C16orf87: variants seen among roughly 807,000 people sequenced by gnomAD.
C16orf87 encodes the protein UPF0547 protein C16orf87.
A neutral mutation model predicts 21.0 loss-of-function variants in C16orf87; 13 were observed. That is an observed-to-expected ratio of 0.62 (90% CI 0.40 to 0.98). The LOEUF (loss-of-function observed/expected upper bound fraction) is 0.98, where lower values mean the gene tolerates loss of function less well. Ranked by LOEUF, C16orf87 falls within the 50% of genes least tolerant of loss-of-function variation. C16orf87 has a pLI of 0.00. For synonymous variants in C16orf87, 49 were observed against 60.2 expected (o/e 0.81, Z 0.86); for missense variants, 113 against 180.4 (o/e 0.63, Z 2.14).
chr16:46,798,901 A>T lies in C16orf87; in HGVS notation c.*4051T>A, dbSNP rs1204422427. ...CCAACAAGCAGAAATAAAAGAGTCT[A>T]CCCTCAATCTACTAAAGGGTATTTT... On this transcript the variant is annotated 3_prime_UTR_variant, in exon 4 of 4. Coordinates refer to ENST00000285697, the MANE Select transcript of C16orf87 (RefSeq NM_001001436.4). The T allele has an allele frequency of 6.6e-6, 1 of 152,132 alleles. No individual in the cohort carries two copies. Among genetic ancestry groups the T allele is most frequent in the Non-Finnish European group, 1.5e-5 (1 of 68,026 alleles). 9.4% of individuals were successfully genotyped at this position (152,132 alleles called of 1,614,324 possible).
chr16:46,810,571 T>C (rs1968051278), intron 2 of C16orf87, among the ~76,000 whole-genome samples: 2 of 151,994 alleles, frequency 1.3e-5, no homozygotes, highest in Non-Finnish European at 1.5e-5. Flanking sequence ...AAAATCTCAG[T>C]GGTAAAGGGG....
chr16:46,806,841 T>C (rs866034585), intron 3 of C16orf87, among the ~76,000 whole-genome samples: 4 of 152,234 alleles, frequency 2.6e-5, no homozygotes, highest in Admixed American at 6.5e-5. Context: ...TCTGACTAGA[T>C]AGAAAAGTCC....
intron 2 of C16orf87, among the ~76,000 whole-genome samples, chr16:46,810,637 T>C (rs1968053175): frequency 6.6e-6 from 1 of 152,092 alleles, no homozygotes; most frequent in Non-Finnish European, 1.5e-5. Flanking sequence ...TGTGAAAGAC[T>C]ATAAAATAAG....
intron 2 of C16orf87, among the ~76,000 whole-genome samples, chr16:46,813,269 T>A (rs1567311153): frequency 6.6e-6 from 1 of 152,160 alleles, no homozygotes; most frequent in Non-Finnish European, 1.5e-5. Flanking sequence ...CTGTTACTCC[T>A]ACTACTTTCA....
chr16:46,824,965 G>T (rs1447098486), intron 1 of C16orf87, among the ~76,000 whole-genome samples: 2 of 151,964 alleles, frequency 1.3e-5, no homozygotes, highest in African/African-American at 4.8e-5. Flanking sequence ...CACCCGGCCT[G>T]ATACTCATAT....
intron 3 of C16orf87, among the ~76,000 whole-genome samples, chr16:46,808,544 G>A (rs1394039099): frequency 6.6e-6 from 1 of 152,178 alleles, no homozygotes. Flanking sequence ...AATTAAAAAT[G>A]CATTTCAGTG....
Position 46,799,480 on chromosome 16 carries a change from G to GA in C16orf87, c.*3471dup, listed in dbSNP as rs1967710984. 6.6e-6 allele frequency: 1 copy of GA among 152,022 alleles called. No individual in the cohort carries two copies. Among genetic ancestry groups the GA allele is most frequent in the African/African-American group, 2.4e-5 (1 of 41,388 alleles). 9.4% of individuals were successfully genotyped at this position (152,022 alleles called of 1,614,324 possible). A position where few individuals can be genotyped will look rare whatever the true frequency, so the allele number is the denominator to read the frequency against. On this transcript the variant is annotated 3_prime_UTR_variant, in exon 4 of 4. Coordinates refer to ENST00000285697, the MANE Select transcript of C16orf87 (RefSeq NM_001001436.4). The stretch of plus-strand genomic sequence containing the variant: ...GGCTAGAAAGACAGAAAATACTAGG[G>GA]AAAAAATGCTTTTAACTAGCAAGAA...
At chr16:46,820,203 C>T (rs1295478218) in intron 2 of C16orf87, among the ~76,000 whole-genome samples, 1 of 152,190 alleles carries the variant, frequency 6.6e-6, no homozygotes, top group Admixed American at 6.5e-5. Context: ...CTGCACATCA[C>T]AAACTGTGTA....
chr16:46,809,113 C>T (rs1968008363), intron 3 of C16orf87, among the ~76,000 whole-genome samples: 1 of 149,934 alleles, frequency 6.7e-6, no homozygotes, highest in Admixed American at 6.7e-5. Flanking sequence ...GCCTGGGCAA[C>T]ATGGTGAAAC....
At chr16:46,817,934 A>AC (rs1325536108) in intron 2 of C16orf87, among the ~76,000 whole-genome samples, 2 of 150,736 alleles carry the variant, frequency 1.3e-5, no homozygotes, top group African/African-American at 4.9e-5. Context: ...AAAAAAAAAA[A>AC]AAAAACCACA....
intron 2 of C16orf87, 104 bp downstream of exon 2, chr16:46,824,282 A>G: frequency 1.6e-6 from 1 of 639,220 alleles, no homozygotes; most frequent in South Asian, 1.9e-5. Flanking sequence ...ACTTGAATAG[A>G]TTTAAACTTT....
chr16:46,824,613 C>A, intron 1 of C16orf87, 131 bp from the exon 2 acceptor site: 1 of 448,952 alleles, frequency 2.2e-6, no homozygotes. Flanking sequence ...TAAACCTCAA[C>A]TCCTTACAAC....
chr16:46,820,366 T>C (rs955798569), intron 2 of C16orf87, among the ~76,000 whole-genome samples: 1 of 152,234 alleles, frequency 6.6e-6, no homozygotes, highest in African/African-American at 2.4e-5. Flanking sequence ...TGTTATATAG[T>C]TACCTATCTA....
At chr16:46,822,452 G>C (rs753873729) in intron 2 of C16orf87, among the ~76,000 whole-genome samples, 2 of 152,140 alleles carry the variant, frequency 1.3e-5, no homozygotes, top group South Asian at 2.1e-4. Flanking sequence ...AACTCTCAGA[G>C]AGTAAGATCC....
At chr16:46,822,940 G>A (rs1469777255) in intron 2 of C16orf87, among the ~76,000 whole-genome samples, 1 of 152,170 alleles carries the variant, frequency 6.6e-6, no homozygotes, top group Admixed American at 6.5e-5. Context: ...CTAGCCCTGT[G>A]AACTCATCTT....
At chr16:46,810,500 G>A (rs938796565) in intron 2 of C16orf87, among the ~76,000 whole-genome samples, 1 of 151,956 alleles carries the variant, frequency 6.6e-6, no homozygotes, top group African/African-American at 2.4e-5. Flanking sequence ...CAAAAAAGAT[G>A]ATACCTTGCT....
intron 3 of C16orf87, chr16:46,808,254 T>G (rs534926232): frequency 1.1e-5 from 4 of 368,988 alleles, no homozygotes; most frequent in South Asian, 8.4e-5. Context: ...ACAGCCTTCC[T>G]AGAATACAGT....
At chr16:46,804,670 G>A (rs570945911) in intron 3 of C16orf87, among the ~76,000 whole-genome samples, 5 of 152,288 alleles carry the variant, frequency 3.3e-5, no homozygotes, top group African/African-American at 1.2e-4. Context: ...AACTGGAGGA[G>A]TTCTGACAAA....
intron 1 of C16orf87, among the ~76,000 whole-genome samples, chr16:46,827,923 T>C (rs547225736): frequency 5.3e-5 from 8 of 150,046 alleles, no homozygotes; most frequent in Non-Finnish European, 1.0e-4. Flanking sequence ...TCTGGTCCTA[T>C]AGTGTTTCAC....
Sources: allele counts gnomAD v4.1 joint callset (sites outside exome capture counted in the v4.1 genomes callset), GRCh38; gene constraint gnomAD v4.1.1; transcripts MANE v1.5; gene names NCBI Gene and HGNC (gene_info 2026-07-23, HGNC 2026-07-21).